The following LSM11 variants were observed in gnomAD, a reference collection of about 807,000 sequenced individuals.
LSM11 encodes the protein U7 snRNA-associated Sm-like protein LSm11.
LSM11 carries 14 observed loss-of-function variants against 28.1 expected under a neutral mutation model. The ratio of observed to expected loss-of-function variants is 0.50; its 90% CI spans 0.33 to 0.78. The LOEUF (loss-of-function observed/expected upper bound fraction) is 0.78. LSM11 is among the 30% of genes least tolerant of loss of function. The pLI is 0.02. For synonymous variants in LSM11, 207 were observed against 214.2 expected, an observed-to-expected ratio of 0.97 and a Z score of 0.30; for missense variants, 495 against 510.6, an observed-to-expected ratio of 0.97 and a Z score of 0.30.
chr5:157,757,116 A>C lies in LSM11; in HGVS notation c.*1852A>C, dbSNP rs1201675804. ...GGGAGGCGGAGCTTGCAGTGAGCCAAGATTGCACCACTGTACTCCAGCCTG... is the reference window on the plus strand; with the variant it reads ...GGGAGGCGGAGCTTGCAGTGAGCCACGATTGCACCACTGTACTCCAGCCTG... On this transcript the variant is annotated 3_prime_UTR_variant, in exon 4 of 4. Transcript: ENST00000286307. The C allele has an allele frequency of 6.6e-6, 1 of 152,154 alleles. No individual in the cohort carries two copies. The highest frequency in any genetic ancestry group is 1.5e-5 in the Non-Finnish European group (1 of 68,080). The allele number at this position is 152,154 out of a possible 1,614,324, so 9.4% of individuals were successfully genotyped here.
chr5:157,744,177 A>C lies in LSM11; in HGVS notation c.427A>C (p.Asn143His). Residue 143 changes from asparagine (N) to histidine (H), a missense_variant, in exon 1 of 4, where the codon AAC becomes CAC. Asn to His is a moderately conservative substitution (Grantham distance 68). Coordinates refer to ENST00000286307, the MANE Select transcript of LSM11 (RefSeq NM_173491.4). ...GGGTCGGAGCAGGAAGGCGCCACGCAACGTGCTCACGCGAATGCCCTGTGA... is the reference window on the plus strand; with the variant it reads ...GGGTCGGAGCAGGAAGGCGCCACGCCACGTGCTCACGCGAATGCCCTGTGA... ...GPGRSRKAPR[N>H]VLTRMPLHEG... 1.5e-6 allele frequency: 2 copies of C among 1,359,566 alleles called. No individual in the cohort carries two copies. The highest frequency in any genetic ancestry group is 1.9e-6 in the Non-Finnish European group (2 of 1,054,828). 84.2% of individuals were successfully genotyped at this position (1,359,566 alleles called of 1,614,324 possible). A position where few individuals can be genotyped will look rare whatever the true frequency, so the allele number is the denominator to read the frequency against.
chr5:157,746,941 G>A (rs1482470095), intron 1 of LSM11, among the ~76,000 whole-genome samples: 2 of 152,106 alleles, frequency 1.3e-5, no homozygotes, highest in Admixed American at 6.6e-5. Flanking sequence ...ATAGGAGGCT[G>A]TTGCAATACT....
chr5:157,754,711 AAAG>A (rs1761294937), intron 3 of LSM11, 140 bp from the exon 4 acceptor site: 4 of 670,198 alleles, frequency 6.0e-6, no homozygotes, highest in South Asian at 4.8e-5. Context: ...AAAAAAAAAA[AAAG>A]ATTTATTACT....
intron 1 of LSM11, among the ~76,000 whole-genome samples, chr5:157,746,484 A>T (rs937538679): frequency 6.6e-6 from 1 of 152,256 alleles, no homozygotes; most frequent in African/African-American, 2.4e-5. Flanking sequence ...TGGAATGTTT[A>T]TGAAAAAACA....
intron 1 of LSM11, among the ~76,000 whole-genome samples, chr5:157,745,081 C>T (rs189896598): frequency 9.2e-5 from 14 of 152,274 alleles, no homozygotes; most frequent in Middle Eastern, 3.4e-3. Context: ...AAGCTGTAAA[C>T]AGCAGAGGCT....
At chr5:157,752,849 A>C (rs1441890136) in intron 2 of LSM11, among the ~76,000 whole-genome samples, 1 of 65,320 alleles carries the variant, frequency 1.5e-5, no homozygotes, top group African/African-American at 5.4e-5. Context: ...CTGTCAAAAA[A>C]AAAAAAAAAA....
chr5:157,748,512 A>G (rs1245623944), intron 1 of LSM11, among the ~76,000 whole-genome samples: 1 of 152,138 alleles, frequency 6.6e-6, no homozygotes, highest in Non-Finnish European at 1.5e-5. Flanking sequence ...AACAACCTTG[A>G]CGTTATCTTA....
chr5:157,759,985 G>A lies in LSM11; in HGVS notation c.*4721G>A, dbSNP rs942100880. On this transcript the variant is annotated 3_prime_UTR_variant, in exon 4 of 4. Transcript: ENST00000286307. ...CTCTGACAAGAAATAGTTCTGGATG[G>A]TTTGAAGATCTGCGGGGAAAAATAA... 2.6e-5 allele frequency: 4 copies of A among 152,170 alleles called. No individual in the cohort carries two copies. The highest frequency in any genetic ancestry group is 1.5e-5 in the Non-Finnish European group (1 of 68,028). The allele number at this position is 152,170 out of a possible 1,614,324, so 9.4% of individuals were successfully genotyped here. A position where few individuals can be genotyped will look rare whatever the true frequency, so the allele number is the denominator to read the frequency against.
In LSM11 at chr5:157,743,958, G is replaced by GGCGGGC. The variant is rs746823463; in HGVS notation, c.222_227dup (p.Gly75_Arg76dup). The GGCGGGC allele has an allele frequency of 1.9e-4, 254 of 1,324,366 alleles. 2 individuals carry two copies. The highest frequency in any genetic ancestry group is 2.9e-4 in the South Asian group (13 of 44,794). The allele number at this position is 1,324,366 out of a possible 1,614,324, so 82.0% of individuals were successfully genotyped here. On this transcript the variant is annotated inframe_insertion, in exon 1 of 4. Transcript: ENST00000286307. ...CTTCCTCAGGACCGGAGTCCGGGGCGGCGGGCGCGGGCGCGGGCGGGCTCG... is the reference window on the plus strand; with the variant it reads ...CTTCCTCAGGACCGGAGTCCGGGGCGGCGGGCGCGGGCGCGGGCGCGGGCGGGCTCG...
rs765661532 is a variant in LSM11, at chr5:157,754,073, C to A, written c.658C>A (p.Leu220Met). 1.3e-6 allele frequency: 2 copies of A among 1,575,200 alleles called. No individual in the cohort carries two copies. Among genetic ancestry groups the A allele is most frequent in the Non-Finnish European group, 1.7e-6 (2 of 1,161,618 alleles). ...CAAAGCATATGAACGGGATTCTTCA[C>A]TGACTCTCACTAGGGTAGGCAGTTT... ...LGKAYERDSS[L>M]TLTRLFDRLK... Residue 220 changes from leucine (L) to methionine (M), a missense_variant, in exon 3 of 4, where the codon CTG (leucine) becomes ATG (methionine). By Grantham distance (15) the Leu-to-Met change is conservative. Transcript: ENST00000286307.
At chr5:157,749,634 A>G (rs369658726) in intron 1 of LSM11, among the ~76,000 whole-genome samples, 3 of 152,098 alleles carry the variant, frequency 2.0e-5, no homozygotes, top group African/African-American at 7.2e-5. Context: ...ACCCTTAGCT[A>G]GCAAATGTAC....
At chr5:157,754,706 A>G (rs1204123613) in intron 3 of LSM11, 148 bp from the exon 4 acceptor site, 6 of 696,276 alleles carry the variant, frequency 8.6e-6, no homozygotes, top group Non-Finnish European at 1.1e-5. Flanking sequence ...AAAAAAAAAA[A>G]AAAAAAAGAT....
At chr5:157,747,084 C>G (rs1357586035) in intron 1 of LSM11, among the ~76,000 whole-genome samples, 1 of 152,122 alleles carries the variant, frequency 6.6e-6, no homozygotes, top group African/African-American at 2.4e-5. Context: ...GCTTTTCCTC[C>G]TTTTTAATAT....
In LSM11 at chr5:157,757,318, AAGAGG is replaced by A. The variant is rs1345723259; in HGVS notation, c.*2059_*2063del. ...AAGTTCTCAGAAGAGTATCTTCAGT[AAGAGG>A]AGAGTAACTTTTTTTTTGCTGCTCC... On this transcript the variant is annotated 3_prime_UTR_variant, in exon 4 of 4. Coordinates refer to ENST00000286307, the MANE Select transcript of LSM11 (RefSeq NM_173491.4). The A allele has an allele frequency of 6.6e-6, 1 of 152,154 alleles. No individual in the cohort carries two copies. Among genetic ancestry groups the A allele is most frequent in the Non-Finnish European group, 1.5e-5 (1 of 68,030 alleles). The allele number at this position is 152,154 out of a possible 1,614,324, so 9.4% of individuals were successfully genotyped here. A position where few individuals can be genotyped will look rare whatever the true frequency, so the allele number is the denominator to read the frequency against.
Position 157,743,890 on chromosome 5 carries a change from A to G in LSM11, c.140A>G (p.Tyr47Cys). 3 of 1,547,962 alleles carry G rather than the reference A, an allele frequency of 1.9e-6. No individual in the cohort carries two copies. Among genetic ancestry groups the G allele is most frequent in the Non-Finnish European group, 2.6e-6 (3 of 1,148,940 alleles). ...LYAPRLPPIP[Y>C]PNAPCFNNVA... ...GCGCCCCGCCTGCCTCCCATTCCCTACCCCAATGCCCCCTGCTTCAACAAC... is the reference window on the plus strand; with the variant it reads ...GCGCCCCGCCTGCCTCCCATTCCCTGCCCCAATGCCCCCTGCTTCAACAAC... The change falls in exon 1 of 4, where the codon TAC (tyrosine) becomes TGC (cysteine). Residue 47 changes from tyrosine (Y) to cysteine (C), a missense_variant. Coordinates refer to ENST00000286307, the MANE Select transcript of LSM11 (RefSeq NM_173491.4).
rs944309753 is a variant in LSM11, at chr5:157,759,704, A to G, written c.*4440A>G. 5.3e-5 allele frequency: 8 copies of G among 152,200 alleles called. No individual in the cohort carries two copies. The highest frequency in any genetic ancestry group is 7.3e-5 in the Non-Finnish European group (5 of 68,040). 9.4% of individuals were successfully genotyped at this position (152,200 alleles called of 1,614,324 possible). A position where few individuals can be genotyped will look rare whatever the true frequency, so the allele number is the denominator to read the frequency against. On this transcript the variant is annotated 3_prime_UTR_variant, in exon 4 of 4. Transcript: ENST00000286307. ...CCTTTTTCAGTAACTTATGTTCACC[A>G]GTCTGTGCTTTTCTTCTCCCAGAAG...
chr5:157,750,616 T>C (rs150643039), intron 1 of LSM11, among the ~76,000 whole-genome samples: 14 of 152,342 alleles, frequency 9.2e-5, no homozygotes, highest in Non-Finnish European at 1.9e-4. Flanking sequence ...CTGACAGGAT[T>C]GTACATGTTT....
At position 157,755,499 on chromosome 5, in the gene LSM11, A is replaced by T; in HGVS notation, c.*235A>T. ...AAGCATTCATAGATACATGCATCTG[A>T]TTTGGTATTGTGATTTACTTCAGAC... On this transcript the variant is annotated 3_prime_UTR_variant, in exon 4 of 4. Coordinates refer to ENST00000286307, the MANE Select transcript of LSM11 (RefSeq NM_173491.4). The T allele has an allele frequency of 1.8e-6, 1 of 563,492 alleles. No homozygotes were observed. The highest frequency in any genetic ancestry group is 2.5e-5 in the South Asian group (1 of 39,760). The allele number at this position is 563,492 out of a possible 1,614,324, so 34.9% of individuals were successfully genotyped here.
At position 157,759,052 on chromosome 5, in the gene LSM11, T is replaced by C. The variant is rs1039322; in HGVS notation, c.*3788T>C. On this transcript the variant is annotated 3_prime_UTR_variant, in exon 4 of 4. Transcript: ENST00000286307. ...GCAGGATGTCTGTGAGATGGTTAGC[T>C]AGAGTTAGCAGTGTCCGGGGAGAGT... 53,563 of 152,068 alleles carry C rather than the reference T, an allele frequency of 0.35. 9,608 individuals are homozygous for C. The highest frequency in any genetic ancestry group is 0.56 in the East Asian group (2,881 of 5,166). The allele number at this position is 152,068 out of a possible 1,614,324, so 9.4% of individuals were successfully genotyped here.
Sources: gnomAD v4.1 joint callset for allele counts (sites outside exome capture counted in the v4.1 genomes callset) on GRCh38, gnomAD v4.1.1 for gene constraint, MANE v1.5 for transcripts, NCBI Gene and HGNC (gene_info 2026-07-23, HGNC 2026-07-21) for gene names.